DDX46: variants seen among roughly 807,000 people sequenced by gnomAD.
DDX46 encodes the protein probable ATP-dependent RNA helicase DDX46.
DDX46 carries 30 observed loss-of-function variants against 134.9 expected under a neutral mutation model. The ratio of observed to expected loss-of-function variants is 0.22; its 90% CI spans 0.17 to 0.30. The LOEUF (loss-of-function observed/expected upper bound fraction) is 0.30, where lower values mean the gene tolerates loss of function less well. Ranked by LOEUF, DDX46 falls within the 10% of genes least tolerant of loss-of-function variation. The pLI is 1.00. For synonymous variants in DDX46, 415 were observed against 404.1 expected (o/e 1.03, Z -0.32); for missense variants, 622 against 1,248.7 (o/e 0.50, Z 7.56).
At chr5:134,780,252 T>G (rs1336179812) in intron 6 of DDX46, among the ~76,000 whole-genome samples, 1 of 149,992 alleles carries the variant, frequency 6.7e-6, no homozygotes, top group East Asian at 1.9e-4. Flanking sequence ...ATATTATATA[T>G]TTTTATATAT....
chr5:134,809,176 A>T (rs1755070408), intron 16 of DDX46, among the ~76,000 whole-genome samples: 1 of 152,138 alleles, frequency 6.6e-6, no homozygotes, highest in Non-Finnish European at 1.5e-5. Flanking sequence ...TTTTTTGGAA[A>T]GGGCCATGTA....
intron 9 of DDX46, 100 bp downstream of exon 9, chr5:134,783,165 C>A: frequency 1.4e-6 from 2 of 1,454,924 alleles, no homozygotes; most frequent in South Asian, 2.8e-5. Flanking sequence ...TCTAAAAAAA[C>A]CCTTACGTTT....
chr5:134,819,725 G>A lies in DDX46; in HGVS notation c.2977+721G>A, dbSNP rs920911986. 7.3e-5 allele frequency among the ~76,000 whole-genome samples: 11 copies of A among 151,674 alleles called. 1 individual carries two copies. In the East Asian group the frequency reaches 2.1e-3, roughly 29 times the overall value. On this transcript the variant is annotated intron_variant, in intron 21 of 22. Coordinates refer to ENST00000452510, the MANE Select transcript of DDX46 (RefSeq NM_001300860.2). ...TTTTTTTGTCTTTTTGTAGAGACAA[G>A]GTTGTGTTTTGGTGCCCAGGCTGGT...
At position 134,773,701 on chromosome 5, in the gene DDX46, T is replaced by C. The variant is rs756723024; in HGVS notation, c.453T>C (p.Phe151=). 1 of 1,590,284 alleles carries C rather than the reference T, an allele frequency of 6.3e-7. No individual in the cohort carries two copies. The highest frequency in any genetic ancestry group is 1.9e-5 in the Admixed American group (1 of 53,934). The part of the protein sequence containing the change: ...EDEKEKDAGN[F]DQNKLEEEMR... ...CTTTCTTTTATTCCCCCAAGAACTT[T>C]GACCAGAATAAGCTGGAAGAAGAAA... The change falls in exon 5 of 23, where the codon TTT becomes TTC. Residue 151 remains phenylalanine (F), a synonymous_variant. Coordinates refer to ENST00000452510, the MANE Select transcript of DDX46 (RefSeq NM_001300860.2).
At chr5:134,804,715 T>A (rs1754932630) in intron 15 of DDX46, 2 of 231,520 alleles carry the variant, frequency 8.6e-6, no homozygotes, top group African/African-American at 2.3e-5. Context: ...TGCTTTTTAT[T>A]TTAACGTGTC....
intron 16 of DDX46, 22 bp downstream of exon 16, chr5:134,807,963 T>G (rs1416311755): frequency 1.3e-6 from 2 of 1,572,780 alleles, no homozygotes; most frequent in Non-Finnish European, 1.7e-6. Flanking sequence ...TTTTTTATAG[T>G]TGATCTTCAT....
chr5:134,774,389 T>C (rs1753869060), intron 5 of DDX46, among the ~76,000 whole-genome samples: 1 of 152,208 alleles, frequency 6.6e-6, no homozygotes, highest in Non-Finnish European at 1.5e-5. Context: ...TTCCACCCTT[T>C]TGTTATCGTG....
intron 15 of DDX46, 29 bp from the exon 16 acceptor site, chr5:134,807,719 T>C: frequency 3.2e-6 from 5 of 1,564,230 alleles, no homozygotes. Flanking sequence ...AATTTGAACA[T>C]GTTTTAAAGC....
Position 134,829,320 on chromosome 5 carries a change from A to T in DDX46, c.*614A>T, listed in dbSNP as rs1322899492. The T allele has an allele frequency of 6.6e-6, 1 of 152,204 alleles. No individual in the cohort carries two copies. The highest frequency in any genetic ancestry group is 1.5e-5 in the Non-Finnish European group (1 of 68,038). 9.4% of individuals were successfully genotyped at this position (152,204 alleles called of 1,614,324 possible). Reference sequence around the variant, plus strand: ...TATAAGGATTTTTTTGCATTTCTTTACACTGAGTGTAAAACTCTACAAAGA... The same window carrying T: ...TATAAGGATTTTTTTGCATTTCTTTTCACTGAGTGTAAAACTCTACAAAGA... On this transcript the variant is annotated 3_prime_UTR_variant, in exon 23 of 23. Coordinates refer to ENST00000452510, the MANE Select transcript of DDX46 (RefSeq NM_001300860.2).
At chr5:134,770,878 C>A (rs376277415) in intron 3 of DDX46, 25 bp from the exon 4 acceptor site, 141 of 1,543,078 alleles carry the variant, frequency 9.1e-5, no homozygotes, top group Admixed American at 3.8e-4. Flanking sequence ...TGACATTTCT[C>A]TTGTCTCTTT....
At chr5:134,770,623 C>T (rs1007638548) in intron 3 of DDX46, among the ~76,000 whole-genome samples, 1 of 152,006 alleles carries the variant, frequency 6.6e-6, no homozygotes. Flanking sequence ...ACCAGCCTGG[C>T]CAACATGGTG....
chr5:134,780,603 GTA>G (rs1173128725), intron 6 of DDX46: 1 of 137,842 alleles, frequency 7.3e-6, no homozygotes, highest in Non-Finnish European at 1.6e-5. Flanking sequence ...AATAAATAAA[GTA>G]TGTATAATTA....
Position 134,767,124 on chromosome 5 carries a change from T to A in DDX46, c.350+64T>A. On this transcript the variant is annotated intron_variant, in intron 3 of 22. Coordinates refer to ENST00000452510, the MANE Select transcript of DDX46 (RefSeq NM_001300860.2). ...GGGACTGCTTCCCTTCTCTGCGCCTTTTTTTTTTTTCCCTGTAAGTTTGTA... is the reference window on the plus strand; with the variant it reads ...GGGACTGCTTCCCTTCTCTGCGCCTATTTTTTTTTTCCCTGTAAGTTTGTA... The A allele has an allele frequency of 4.8e-6, 6 of 1,238,668 alleles. No individual in the cohort carries two copies. The East Asian group carries it at 1.9e-4, about 39-fold the overall frequency. The allele number at this position is 1,238,668 out of a possible 1,614,324, so 76.7% of individuals were successfully genotyped here.
chr5:134,827,240 C>G (rs570657370), intron 22 of DDX46, among the ~76,000 whole-genome samples: 5 of 152,108 alleles, frequency 3.3e-5, no homozygotes, highest in South Asian at 2.1e-4. Context: ...TCATCTCCCC[C>G]CAACAAAACC....
Position 134,809,670 on chromosome 5 carries a change from C to T in DDX46, c.2149-1551C>T, listed in dbSNP as rs147986071. On this transcript the variant is annotated intron_variant, in intron 16 of 22. Transcript: ENST00000452510. ...GATTACAGGCATGAGCCACTGCACC[C>T]GGCCAAGATATTTCTGAATTAAAAT... Among the ~76,000 whole-genome samples, 367 of 151,974 alleles carry T rather than the reference C, an allele frequency of 2.4e-3. 1 individual carries two copies. Among genetic ancestry groups the T allele is most frequent in the African/African-American group, 7.8e-3 (325 of 41,496 alleles).
chr5:134,828,947 T>C lies in DDX46; in HGVS notation c.*241T>C, dbSNP rs1227670062. The C allele has an allele frequency of 1.9e-5, 6 of 318,662 alleles. No individual in the cohort carries two copies. Among genetic ancestry groups the C allele is most frequent in the East Asian group, 4.7e-5 (1 of 21,140 alleles). 19.7% of individuals were successfully genotyped at this position (318,662 alleles called of 1,614,324 possible). A position where few individuals can be genotyped will look rare whatever the true frequency, so the allele number is the denominator to read the frequency against. On this transcript the variant is annotated 3_prime_UTR_variant, in exon 23 of 23. Coordinates refer to ENST00000452510, the MANE Select transcript of DDX46 (RefSeq NM_001300860.2). ...ATGTCCTTTAATGTAAACTCAAATA[T>C]CAATATTTTAAATGTCCGGATAATA...
chr5:134,778,802 G>A (rs1754035456), intron 6 of DDX46, among the ~76,000 whole-genome samples: 1 of 152,080 alleles, frequency 6.6e-6, no homozygotes, highest in Non-Finnish European at 1.5e-5. Flanking sequence ...TCGAACTCCC[G>A]ACCTCAGGTG....
chr5:134,810,272 A>C (rs1477659687), intron 16 of DDX46, among the ~76,000 whole-genome samples: 1 of 151,490 alleles, frequency 6.6e-6, no homozygotes, highest in Non-Finnish European at 1.5e-5. Context: ...AAAAAAAAAA[A>C]GGAAAAACAA....
intron 21 of DDX46, chr5:134,825,822 T>C (rs940404328): frequency 4.6e-5 from 7 of 152,306 alleles, no homozygotes; most frequent in Non-Finnish European, 1.0e-4. Flanking sequence ...GTATTTCCAA[T>C]TGGATGTCTG....
Sources: gnomAD v4.1 joint callset for allele counts (sites outside exome capture counted in the v4.1 genomes callset) on GRCh38, gnomAD v4.1.1 for gene constraint, MANE v1.5 for transcripts, NCBI Gene and HGNC (gene_info 2026-07-23, HGNC 2026-07-21) for gene names.